Variants in SCIN observed in about 807,000 individuals in gnomAD.
SCIN encodes scinderin, also known as adseverin.
Under a neutral mutation model 91.8 loss-of-function variants are expected in SCIN, and 91 were observed. The observed-to-expected ratio is 0.99, with a 90% confidence interval of 0.84 to 1.18. The LOEUF (loss-of-function observed/expected upper bound fraction) is 1.18, where lower values mean the gene tolerates loss of function less well. SCIN is among the 50% of genes most tolerant of loss of function. The probability of loss-of-function intolerance (pLI) is 0.00; values close to 1 mark genes in which losing one functional copy is unlikely to be tolerated. For missense variants in SCIN, 1,087 were observed against 863.9 expected (o/e 1.26, Z -3.24); for synonymous variants, 367 against 312.6 (o/e 1.17, Z -1.84).
chr7:12,601,482 C>G (rs1021686971), intron 3 of SCIN, among the ~76,000 whole-genome samples: 2 of 152,200 alleles, frequency 1.3e-5, no homozygotes, highest in African/African-American at 2.4e-5. Flanking sequence ...AACCACAACT[C>G]TACATGGTTG....
intron 5 of SCIN, among the ~76,000 whole-genome samples, 200 bp from the exon 6 acceptor site, chr7:12,624,810 G>GTGGATTCTTT (rs1309242800): frequency 3.3e-5 from 5 of 152,094 alleles, no homozygotes; most frequent in African/African-American, 4.8e-5. Flanking sequence ...AATTAGTCTT[G>GTGGATTCTTT]TGGATTCTTT....
intron 12 of SCIN, 99 bp from the exon 13 acceptor site, chr7:12,644,485 C>T: frequency 6.6e-7 from 1 of 1,509,512 alleles, no homozygotes; most frequent in South Asian, 1.3e-5. Context: ...AGTAATTTCT[C>T]AACACTGAAA....
At chr7:12,618,472 A>T (rs1296146240) in intron 4 of SCIN, among the ~76,000 whole-genome samples, 2 of 152,056 alleles carry the variant, frequency 1.3e-5, no homozygotes, top group Non-Finnish European at 2.9e-5. Context: ...ATATGAAATC[A>T]CCCTCTATTT....
At chr7:12,611,732 A>C (rs563288344) in intron 4 of SCIN, among the ~76,000 whole-genome samples, 1 of 152,122 alleles carries the variant, frequency 6.6e-6, no homozygotes, top group Non-Finnish European at 1.5e-5. Flanking sequence ...AAAGAGTCTA[A>C]GGCTTTATAG....
intron 11 of SCIN, among the ~76,000 whole-genome samples, chr7:12,642,697 C>G (rs1223338003): frequency 6.6e-6 from 1 of 151,464 alleles, no homozygotes; most frequent in African/African-American, 2.4e-5. Flanking sequence ...CAACCTCCCA[C>G]TAGCATTTGC....
intron 1 of SCIN, among the ~76,000 whole-genome samples, chr7:12,576,479 G>T (rs1210877160): frequency 6.6e-6 from 1 of 151,752 alleles, no homozygotes; most frequent in Non-Finnish European, 1.5e-5. Flanking sequence ...TGACTGATTT[G>T]CCTTCTTCAA....
At chr7:12,583,437 T>C (rs960509979) in intron 3 of SCIN, among the ~76,000 whole-genome samples, 10 of 152,202 alleles carry the variant, frequency 6.6e-5, no homozygotes, top group African/African-American at 1.9e-4. Flanking sequence ...TCCACATTCA[T>C]GCCAGTTGCG....
chr7:12,585,143 C>G (rs2115218036), intron 3 of SCIN, among the ~76,000 whole-genome samples: 1 of 152,310 alleles, frequency 6.6e-6, no homozygotes, highest in Non-Finnish European at 1.5e-5. Flanking sequence ...ACCAGTCAGT[C>G]TTTAACCCAC....
At position 12,652,621 on chromosome 7, in the gene SCIN, G is replaced by A; in HGVS notation, c.2054G>A (p.Arg685Lys). ...KMYLETDPSGRDKRTPIVIIK... is the reference protein window; with the variant it reads ...KMYLETDPSGKDKRTPIVIIK... ...TACCTTGAGACAGACCCTTCTGGAA[G>A]AGACAAGAGGACACCAATTGTCATC... The change falls in exon 16 of 16, where the codon AGA (arginine) becomes AAA (lysine). Residue 685 changes from arginine (R) to lysine (K), a missense_variant. Arg to Lys is a conservative substitution (Grantham distance 26, BLOSUM62 2). Coordinates refer to ENST00000297029, the MANE Select transcript of SCIN (RefSeq NM_001112706.3). 1 of 1,612,896 alleles carries A rather than the reference G, an allele frequency of 6.2e-7. No homozygotes were observed. The highest frequency in any genetic ancestry group is 8.5e-7 in the Non-Finnish European group (1 of 1,179,472).
chr7:12,627,299 C>A (rs1783547186), intron 8 of SCIN, among the ~76,000 whole-genome samples: 1 of 152,280 alleles, frequency 6.6e-6, no homozygotes, highest in Middle Eastern at 3.4e-3. Flanking sequence ...TGAGGACTGA[C>A]TTCCCCTCTG....
rs779675830 is a variant in SCIN, at chr7:12,644,261, G to A, written c.1705G>A (p.Val569Ile). 7.5e-6 allele frequency: 12 copies of A among 1,602,376 alleles called. No homozygotes were observed. The highest frequency in any genetic ancestry group is 9.4e-6 in the Non-Finnish European group (11 of 1,174,082). The change falls in exon 12 of 16, where the codon GTA (valine) becomes ATA (isoleucine). Residue 569 changes from valine to isoleucine, a missense_variant. Val to Ile is a conservative substitution (Grantham distance 29, BLOSUM62 3). Transcript: ENST00000297029. ...GGAGGAGGAGAAAGGAGCAGAGTAT[G>A]TAGCAAGTGTCCTAAAGTGCAAAAC... is the stretch of plus-strand genomic sequence containing the variant. The part of the protein sequence containing the change: ...SQEEEKGAEY[V>I]ASVLKCKTLR...
At chr7:12,634,957 C>G (rs1040404190) in intron 9 of SCIN, among the ~76,000 whole-genome samples, 1 of 151,330 alleles carries the variant, frequency 6.6e-6, no homozygotes, top group Non-Finnish European at 1.5e-5. Flanking sequence ...GAGGCCGAGG[C>G]GGGTGGATCA....
chr7:12,633,723 G>A lies in SCIN; in HGVS notation c.1320-2322G>A, dbSNP rs1051903077. Among the ~76,000 whole-genome samples the A allele has an allele frequency of 5.9e-5, 9 of 152,208 alleles. No homozygotes were observed. The East Asian group carries it at 1.7e-3, about 29-fold the overall frequency. ...AAGCAGACATTTTTAACAGCTGGAAGCGAGAACTCAGGAAACCACAGATGT... is the reference window on the plus strand; with the variant it reads ...AAGCAGACATTTTTAACAGCTGGAAACGAGAACTCAGGAAACCACAGATGT... On this transcript the variant is annotated intron_variant, in intron 9 of 15. Coordinates refer to ENST00000297029, the MANE Select transcript of SCIN (RefSeq NM_001112706.3).
chr7:12,641,018 T>A (rs774360926), intron 11 of SCIN, among the ~76,000 whole-genome samples: 1 of 152,134 alleles, frequency 6.6e-6, no homozygotes, highest in Non-Finnish European at 1.5e-5. Context: ...TGCCATAAGA[T>A]AAGAAGACCT....
chr7:12,578,877 A>G (rs986398324), intron 2 of SCIN, among the ~76,000 whole-genome samples: 1 of 119,054 alleles, frequency 8.4e-6, no homozygotes, highest in Non-Finnish European at 1.8e-5. Context: ...AAATGGTTCT[A>G]TCCCTTTAAG....
chr7:12,606,804 TA>T (rs781057395), intron 4 of SCIN, among the ~76,000 whole-genome samples: 1 of 152,202 alleles, frequency 6.6e-6, no homozygotes, highest in African/African-American at 2.4e-5. Flanking sequence ...AAAGTCCATT[TA>T]AAAAATTAAG....
chr7:12,646,725 A>G (rs1783973382), intron 13 of SCIN, among the ~76,000 whole-genome samples: 1 of 152,354 alleles, frequency 6.6e-6, no homozygotes, highest in South Asian at 2.1e-4. Context: ...ATTTTGGTCA[A>G]CATGCCCTAG....
At chr7:12,593,174 G>T (rs370354387) in intron 3 of SCIN, among the ~76,000 whole-genome samples, 2 of 152,196 alleles carry the variant, frequency 1.3e-5, no homozygotes. Context: ...CTTCTTTGCC[G>T]CACTTAAAAC....
At position 12,658,937 on chromosome 7, in the gene SCIN, T is replaced by G. The variant is rs1268310217; in HGVS notation, c.*6222T>G. The G allele has an allele frequency of 6.7e-6, 1 of 149,170 alleles. No homozygotes were observed. Among genetic ancestry groups the G allele is most frequent in the Non-Finnish European group, 1.5e-5 (1 of 68,122 alleles). 9.2% of individuals were successfully genotyped at this position (149,170 alleles called of 1,614,324 possible). On this transcript the variant is annotated 3_prime_UTR_variant, in exon 16 of 16. Coordinates refer to ENST00000297029, the MANE Select transcript of SCIN (RefSeq NM_001112706.3). ...GGCAATGACACCACTATTTATGTTT[T>G]TTGTTGTTGTTGTTTGTTTTTGTTT... is the stretch of plus-strand genomic sequence containing the variant.
Sources: allele counts gnomAD v4.1 joint callset (sites outside exome capture counted in the v4.1 genomes callset), GRCh38; gene constraint gnomAD v4.1.1; transcripts MANE v1.5; gene names NCBI Gene and HGNC (gene_info 2026-07-23, HGNC 2026-07-21).